The following DLGAP2 variants were observed in gnomAD, a reference collection of about 807,000 sequenced individuals.
DLGAP2 encodes the protein DLG associated protein 2, also known as disks large-associated protein 2.
A neutral mutation model predicts 100.3 loss-of-function variants in DLGAP2; 26 were observed. The observed-to-expected ratio is 0.26, with a 90% CI of 0.19 to 0.36. The LOEUF (loss-of-function observed/expected upper bound fraction) is 0.36. Among genes scored for constraint, DLGAP2 ranks in the 10% least tolerant of loss-of-function variants. The probability of loss-of-function intolerance (pLI) is 1.00; values close to 1 mark genes in which losing one functional copy is unlikely to be tolerated. For missense variants in DLGAP2, 1,858 were observed against 1,453.2 expected, an observed-to-expected ratio of 1.28 and a Z score of -4.53; for synonymous variants, 886 against 630.1, an observed-to-expected ratio of 1.41 and a Z score of -6.08.
intron 2 of DLGAP2, among the ~76,000 whole-genome samples, chr8:911,446 TATGTTGGAAGGATGCTGGAGA>T (rs1798482685): frequency 1.3e-5 from 2 of 152,178 alleles, no homozygotes; most frequent in Non-Finnish European, 2.9e-5. Flanking sequence ...TTGTATAATG[TATGTTGGAAGGATGCTGGAGA>T]ATGTTGGAAG....
chr8:1,143,847 C>T (rs1053310030), intron 2 of DLGAP2, among the ~76,000 whole-genome samples: 5 of 152,236 alleles, frequency 3.3e-5, no homozygotes, highest in Admixed American at 6.5e-5. Flanking sequence ...ACCTGTGCCC[C>T]TCACTGAGGG....
intron 10 of DLGAP2, among the ~76,000 whole-genome samples, chr8:1,675,089 T>C (rs1798780166): frequency 6.6e-6 from 1 of 152,148 alleles, no homozygotes; most frequent in African/African-American, 2.4e-5. Context: ...AGAACACGCA[T>C]CCCAGTCTAG....
intron 2 of DLGAP2, among the ~76,000 whole-genome samples, chr8:1,110,443 G>C (rs962862823): frequency 1.3e-5 from 2 of 149,606 alleles, no homozygotes; most frequent in Non-Finnish European, 3.0e-5. Flanking sequence ...TCTGTGACAC[G>C]TGCTGGGTCT....
rs76322815 is a variant in DLGAP2 at position 1,412,747 on chromosome 8, A to C, written c.107-88619A>C. Among the ~76,000 whole-genome samples the C allele has an allele frequency of 3.5e-3, 533 of 152,304 alleles. 10 individuals are homozygous for C. In the East Asian group the frequency reaches 0.047, roughly 14 times the overall value. On this transcript the variant is annotated intron_variant, in intron 3 of 14. Transcript: ENST00000637795. ...GCACTTAGCAAGACCTCTACAGGCAAAAGGCAATTGCCAGCTGTGATGGCC... is the reference window on the plus strand; with the variant it reads ...GCACTTAGCAAGACCTCTACAGGCACAAGGCAATTGCCAGCTGTGATGGCC...
intron 8 of DLGAP2, among the ~76,000 whole-genome samples, chr8:1,660,204 G>C (rs1416765294): frequency 2.0e-5 from 3 of 152,198 alleles, no homozygotes; most frequent in Admixed American, 6.5e-5. Context: ...TTTCTACTGA[G>C]AGATCTGCTG....
chr8:1,363,408 G>A (rs1042297132), intron 3 of DLGAP2, among the ~76,000 whole-genome samples: 5 of 152,126 alleles, frequency 3.3e-5, no homozygotes, highest in Admixed American at 2.6e-4. Flanking sequence ...CTGCCTCCAC[G>A]TCGCAGGTCA....
At chr8:1,143,725 C>G (rs1190516797) in intron 2 of DLGAP2, among the ~76,000 whole-genome samples, 1 of 152,204 alleles carries the variant, frequency 6.6e-6, no homozygotes, top group Admixed American at 6.5e-5. Context: ...ACTGGGTGCC[C>G]TCACCTTGTT....
At chr8:947,818 G>A (rs1475753143) in intron 2 of DLGAP2, among the ~76,000 whole-genome samples, 3 of 151,100 alleles carry the variant, frequency 2.0e-5, no homozygotes, top group African/African-American at 2.4e-5. Flanking sequence ...GTGCCAGCCC[G>A]TGTGTGCCAT....
chr8:895,700 T>C (rs1355008011), intron 1 of DLGAP2, among the ~76,000 whole-genome samples: 2 of 152,250 alleles, frequency 1.3e-5, no homozygotes, highest in East Asian at 3.9e-4. Context: ...AGGAGGGTTA[T>C]GGGACAGGAG....
chr8:1,458,836 G>C (rs552670923), intron 3 of DLGAP2, among the ~76,000 whole-genome samples: 1 of 152,184 alleles, frequency 6.6e-6, no homozygotes, highest in African/African-American at 2.4e-5. Flanking sequence ...GGGTGTCCCA[G>C]GACAGAGAGC....
chr8:1,318,960 G>A (rs1585255363), intron 3 of DLGAP2, among the ~76,000 whole-genome samples: 1 of 152,148 alleles, frequency 6.6e-6, no homozygotes, highest in South Asian at 2.1e-4. Context: ...TCACCTGTGA[G>A]ATGGGAATCG....
chr8:1,103,737 C>T (rs1224336827), intron 2 of DLGAP2, among the ~76,000 whole-genome samples: 2 of 113,224 alleles, frequency 1.8e-5, no homozygotes, highest in African/African-American at 3.5e-5. Context: ...ACTGGCGGGG[C>T]CTTGGTTGAC....
At chr8:1,510,530 A>C (rs1800124364) in intron 4 of DLGAP2, among the ~76,000 whole-genome samples, 1 of 152,252 alleles carries the variant, frequency 6.6e-6, no homozygotes, top group South Asian at 2.1e-4. Context: ...AGGAGGGACA[A>C]GGAAAGGAAC....
intron 3 of DLGAP2, among the ~76,000 whole-genome samples, chr8:1,424,075 A>G (rs1018711393): frequency 1.3e-5 from 2 of 152,226 alleles, no homozygotes; most frequent in Admixed American, 6.5e-5. Flanking sequence ...ATACTCTCCC[A>G]TGGCACTCAG....
At chr8:1,200,622 T>G (rs1797850507) in intron 2 of DLGAP2, among the ~76,000 whole-genome samples, 1 of 152,166 alleles carries the variant, frequency 6.6e-6, no homozygotes. Context: ...AAAGCGTCAC[T>G]TGCGCTGGAC....
intron 1 of DLGAP2, among the ~76,000 whole-genome samples, chr8:842,721 T>G (rs563927357): frequency 6.6e-6 from 1 of 152,336 alleles, no homozygotes; most frequent in African/African-American, 2.4e-5. Flanking sequence ...TGCAACTTCA[T>G]TTTTTGGGGA....
intron 2 of DLGAP2, among the ~76,000 whole-genome samples, chr8:957,226 G>C (rs896317286): frequency 6.6e-6 from 1 of 152,230 alleles, no homozygotes; most frequent in African/African-American, 2.4e-5. Flanking sequence ...TGAAGGCAGG[G>C]TCAGTGCTTG....
chr8:1,106,675 G>C (rs1222958846), intron 2 of DLGAP2, among the ~76,000 whole-genome samples: 2 of 150,754 alleles, frequency 1.3e-5, no homozygotes, highest in Non-Finnish European at 3.0e-5. Flanking sequence ...AGCCATTCTA[G>C]GAGGGTTTTC....
chr8:1,162,558 T>C (rs2129052795), intron 2 of DLGAP2, among the ~76,000 whole-genome samples: 1 of 152,366 alleles, frequency 6.6e-6, no homozygotes, highest in East Asian at 1.9e-4. Flanking sequence ...TATCCAGTAG[T>C]CTGGTAATAG....
Sources: allele counts gnomAD v4.1 joint callset (sites outside exome capture counted in the v4.1 genomes callset), GRCh38; gene constraint gnomAD v4.1.1; transcripts MANE v1.5; gene names NCBI Gene and HGNC (gene_info 2026-07-23, HGNC 2026-07-21).